Variants in DROSHA observed in about 807,000 individuals in gnomAD.
DROSHA encodes the protein drosha ribonuclease III.
Under a neutral mutation model 181.9 loss-of-function variants are expected in DROSHA, and 56 were observed. That is an observed-to-expected ratio of 0.31 (90% CI 0.25 to 0.38). The LOEUF is 0.38. Among genes scored for constraint, DROSHA ranks in the 10% least tolerant of loss-of-function variants. DROSHA has a pLI of 1.00. For synonymous variants in DROSHA, 524 were observed against 591.2 expected (o/e 0.89, Z 1.65); for missense variants, 1,218 against 1,743.5 (o/e 0.70, Z 5.37).
At chr5:31,403,269 T>C (rs1007411430) in intron 35 of DROSHA, among the ~76,000 whole-genome samples, 3 of 152,206 alleles carry the variant, frequency 2.0e-5, no homozygotes, top group Non-Finnish European at 4.4e-5. Context: ...CGGAATAAAC[T>C]CTACTGTAAA....
At chr5:31,418,939 A>C (rs1742300666) in intron 30 of DROSHA, among the ~76,000 whole-genome samples, 1 of 152,342 alleles carries the variant, frequency 6.6e-6, no homozygotes, top group Non-Finnish European at 1.5e-5. Flanking sequence ...TGAAGAGATC[A>C]GTTTAGAAGT....
At chr5:31,443,067 T>A (rs973529785) in intron 23 of DROSHA, among the ~76,000 whole-genome samples, 7 of 147,538 alleles carry the variant, frequency 4.7e-5, no homozygotes, top group African/African-American at 1.8e-4. Flanking sequence ...TGAGACAGAG[T>A]CTCACTCTGT....
intron 33 of DROSHA, among the ~76,000 whole-genome samples, chr5:31,407,935 G>A (rs902802802): frequency 6.6e-6 from 1 of 152,020 alleles, no homozygotes; most frequent in South Asian, 2.1e-4. Flanking sequence ...TGCTTATTAG[G>A]CACATAATAA....
chr5:31,484,991 G>C (rs757877201), intron 14 of DROSHA, 29 bp from the exon 15 acceptor site: 2 of 1,489,160 alleles, frequency 1.3e-6, no homozygotes, highest in African/African-American at 2.8e-5. Context: ...TTAAATTACT[G>C]TAGTTTGGCA....
At chr5:31,524,954 G>A (rs1055607588) in intron 5 of DROSHA, among the ~76,000 whole-genome samples, 5 of 152,164 alleles carry the variant, frequency 3.3e-5, no homozygotes, top group African/African-American at 1.2e-4. Context: ...CAACACTTAA[G>A]GAGGCCGAGG....
chr5:31,455,636 T>C (rs554064569), intron 20 of DROSHA, among the ~76,000 whole-genome samples: 6 of 150,382 alleles, frequency 4.0e-5, no homozygotes, highest in Non-Finnish European at 8.9e-5. Flanking sequence ...CATATTGTTA[T>C]CACACTTTTT....
intron 18 of DROSHA, 91 bp from the exon 19 acceptor site, chr5:31,466,372 C>A: frequency 1.0e-6 from 1 of 988,344 alleles, no homozygotes; most frequent in African/African-American, 1.6e-5. Context: ...CTCTTCAAAT[C>A]ATACATTACA....
intron 11 of DROSHA, among the ~76,000 whole-genome samples, chr5:31,500,870 G>A (rs1040068899): frequency 4.6e-5 from 7 of 152,232 alleles, no homozygotes; most frequent in South Asian, 4.1e-4. Context: ...GGTGTCCTTC[G>A]GTACAAAATA....
chr5:31,483,442 T>C (rs921126526), intron 16 of DROSHA, 112 bp downstream of exon 16: 15 of 979,440 alleles, frequency 1.5e-5, no homozygotes, highest in Middle Eastern at 4.1e-4. Context: ...GAGAAGTAGA[T>C]AATTAACAGT....
At chr5:31,485,094 G>C (rs1751572746) in intron 14 of DROSHA, 132 bp from the exon 15 acceptor site, 1 of 601,708 alleles carries the variant, frequency 1.7e-6, no homozygotes, top group Non-Finnish European at 2.8e-6. Context: ...GTTTCCTGAA[G>C]AGTTTGGCCA....
chr5:31,503,060 T>C (rs979303984), intron 11 of DROSHA, among the ~76,000 whole-genome samples: 1 of 152,122 alleles, frequency 6.6e-6, no homozygotes, highest in East Asian at 1.9e-4. Flanking sequence ...ACGAGCTCTA[T>C]CTCACACATG....
At chr5:31,478,024 G>A (rs528058201) in intron 16 of DROSHA, among the ~76,000 whole-genome samples, 1 of 152,248 alleles carries the variant, frequency 6.6e-6, no homozygotes, top group South Asian at 2.1e-4. Flanking sequence ...GAAATATGAT[G>A]ATGACTTATA....
chr5:31,508,508 C>A, intron 10 of DROSHA, 113 bp downstream of exon 10: 1 of 1,487,068 alleles, frequency 6.7e-7, no homozygotes, highest in South Asian at 1.3e-5. Flanking sequence ...AGGACAAAAC[C>A]CTGACAGTAA....
chr5:31,486,421 C>T (rs115096261), intron 14 of DROSHA, 70 bp downstream of exon 14: 5 of 1,516,644 alleles, frequency 3.3e-6, no homozygotes, highest in Non-Finnish European at 4.5e-6. Flanking sequence ...AAGTTCAATG[C>T]TTTAAAATAG....
chr5:31,472,231 A>G lies in DROSHA; in HGVS notation c.2073T>C (p.Asp691=), dbSNP rs372860593. Residue 691 remains aspartate, a splice_region_variant and synonymous_variant, in exon 17 of 36, where the codon GAT becomes GAC. Coordinates refer to ENST00000344624, the MANE Select transcript of DROSHA (RefSeq NM_001382508.1). ...GCATGGACAGCACTTCCTTTCCTCC[A>G]TCTTGGGTGGGAATGGGAGTGGAGA... The part of the protein sequence containing the change: ...FMPRFVRFLP[D]GGKEVLSMHQ... 2 of 1,604,184 alleles carry G rather than the reference A, an allele frequency of 1.2e-6. No individual in the cohort carries two copies. The highest frequency in any genetic ancestry group is 1.3e-5 in the African/African-American group (1 of 74,578).
In DROSHA at chr5:31,431,569, A is replaced by C; in HGVS notation, c.3145+7T>G. ...AAAGTAGACTTCTTGAAGAAGAGAG[A>C]AATTACCTATTAACGCTTCAAAACA... On this transcript the variant is annotated splice_region_variant and intron_variant, in intron 26 of 35. Coordinates refer to ENST00000344624, the MANE Select transcript of DROSHA (RefSeq NM_001382508.1). 6.2e-7 allele frequency: 1 copy of C among 1,613,616 alleles called. No individual in the cohort carries two copies.
intron 11 of DROSHA, 95 bp downstream of exon 11, chr5:31,504,460 T>C (rs1183684728): frequency 9.1e-6 from 12 of 1,311,904 alleles, no homozygotes; most frequent in Middle Eastern, 1.9e-4. Flanking sequence ...AGAATTTTGA[T>C]GGTATTATTT....
intron 4 of DROSHA, 71 bp downstream of exon 4, chr5:31,528,969 A>G (rs1168408627): frequency 8.2e-6 from 13 of 1,588,602 alleles, no homozygotes; most frequent in African/African-American, 2.7e-5. Flanking sequence ...TCCACCCTCT[A>G]TAGCCCAGCA....
At chr5:31,451,666 T>C in intron 20 of DROSHA, 26 bp from the exon 21 acceptor site, 1 of 1,536,476 alleles carries the variant, frequency 6.5e-7, no homozygotes, top group Non-Finnish European at 8.9e-7. Flanking sequence ...TTCAATATGT[T>C]TAACTTTATA....
Sources: allele counts gnomAD v4.1 joint callset (sites outside exome capture counted in the v4.1 genomes callset), GRCh38; gene constraint gnomAD v4.1.1; transcripts MANE v1.5; gene names NCBI Gene and HGNC (gene_info 2026-07-23, HGNC 2026-07-21).